Variants in RIMS2 observed in about 807,000 individuals in gnomAD.
RIMS2 encodes the protein regulating synaptic membrane exocytosis protein 2.
A neutral mutation model predicts 174.4 loss-of-function variants in RIMS2; 59 were observed. The observed-to-expected ratio is 0.34, with a 90% CI of 0.27 to 0.42. RIMS2 has a LOEUF of 0.42. RIMS2 is among the 10% of genes least tolerant of loss of function. The probability of loss-of-function intolerance (pLI) is 1.00; values close to 1 mark genes in which losing one functional copy is unlikely to be tolerated. For missense variants in RIMS2, 1,620 were observed against 1,666.3 expected (o/e 0.97, Z 0.48); for synonymous variants, 606 against 572.5 (o/e 1.06, Z -0.84).
intron 1 of RIMS2, 101 bp downstream of exon 1, chr8:103,501,163 C>T (rs1819550540): frequency 5.5e-6 from 5 of 916,070 alleles, no homozygotes; most frequent in Non-Finnish European, 7.5e-6. Flanking sequence ...GCCCTCCCTC[C>T]CGCTGGCGGC....
intron 17 of RIMS2, among the ~76,000 whole-genome samples, chr8:103,994,779 C>A: frequency 6.6e-6 from 1 of 151,998 alleles, no homozygotes; most frequent in Admixed American, 6.6e-5. Flanking sequence ...TAAGAACTAA[C>A]ATGACTAGAG....
intron 1 of RIMS2, among the ~76,000 whole-genome samples, chr8:103,530,099 ATG>A (rs1415489654): frequency 6.6e-6 from 1 of 152,210 alleles, no homozygotes; most frequent in Non-Finnish European, 1.5e-5. Flanking sequence ...TTTTAAATAT[ATG>A]GTAAGAATTA....
At chr8:103,950,667 C>T (rs1356558657) in intron 14 of RIMS2, among the ~76,000 whole-genome samples, 2 of 152,106 alleles carry the variant, frequency 1.3e-5, no homozygotes, top group African/African-American at 4.8e-5. Flanking sequence ...TCAAACCCTA[C>T]AGCTAAATCA....
exon 4 of RIMS2, chr8:103,886,000 A>G: frequency 6.2e-7 from 1 of 1,613,122 alleles, no homozygotes; most frequent in Non-Finnish European, 8.5e-7. Context: ...CTGCTGTAAG[A>G]AAAACAAAAC....
intron 3 of RIMS2, among the ~76,000 whole-genome samples, chr8:103,794,668 T>G (rs1051631517): frequency 2.6e-5 from 4 of 152,072 alleles, no homozygotes; most frequent in Non-Finnish European, 2.9e-5. Flanking sequence ...GGGAGAAAAT[T>G]TTTATAATCT....
chr8:104,070,750 T>C (rs1012177166), intron 19 of RIMS2, among the ~76,000 whole-genome samples: 17 of 152,174 alleles, frequency 1.1e-4, no homozygotes, highest in African/African-American at 4.1e-4. Flanking sequence ...CAGGAAGGAA[T>C]GTAGATGATT....
chr8:104,159,591 T>G (rs1381142072), intron 19 of RIMS2, among the ~76,000 whole-genome samples: 1 of 152,118 alleles, frequency 6.6e-6, no homozygotes, highest in Non-Finnish European at 1.5e-5. Flanking sequence ...ATTTTTTTTG[T>G]GGGGGTGGTT....
chr8:103,738,910 A>G (rs1040305824), intron 2 of RIMS2, among the ~76,000 whole-genome samples: 21 of 152,090 alleles, frequency 1.4e-4, no homozygotes, highest in African/African-American at 4.3e-4. Context: ...GAGAAATAGG[A>G]ACACTTTTAC....
intron 1 of RIMS2, among the ~76,000 whole-genome samples, chr8:103,572,091 C>T (rs2092855848): frequency 6.6e-6 from 1 of 152,112 alleles, no homozygotes; most frequent in Non-Finnish European, 1.5e-5. Context: ...GAGTTTGTTC[C>T]TTCCGATGTT....
intron 19 of RIMS2, among the ~76,000 whole-genome samples, chr8:104,112,306 AAAT>A (rs1205153705): frequency 6.6e-6 from 1 of 152,124 alleles, no homozygotes; most frequent in Non-Finnish European, 1.5e-5. Flanking sequence ...TGATTTTAAC[AAAT>A]AATAATGTTG....
intron 1 of RIMS2, among the ~76,000 whole-genome samples, chr8:103,586,111 G>A (rs917826802): frequency 1.4e-4 from 22 of 152,114 alleles, no homozygotes; most frequent in Non-Finnish European, 3.1e-4. Flanking sequence ...AATATTATTA[G>A]AGCTAAAGAG....
intron 1 of RIMS2, among the ~76,000 whole-genome samples, chr8:103,547,767 G>C (rs1215924744): frequency 6.6e-6 from 1 of 152,050 alleles, no homozygotes; most frequent in South Asian, 2.1e-4. Flanking sequence ...TGCTAGCTAA[G>C]TTAATAAAGG....
At chr8:104,223,275 C>T (rs1214131650) in intron 19 of RIMS2, 2 of 737,964 alleles carry the variant, frequency 2.7e-6, no homozygotes, top group East Asian at 1.1e-4. Context: ...CCCCTCCGGC[C>T]GCTGATTGGC....
At chr8:103,777,735 G>A (rs951292152) in intron 3 of RIMS2, among the ~76,000 whole-genome samples, 2 of 151,792 alleles carry the variant, frequency 1.3e-5, no homozygotes, top group African/African-American at 4.8e-5. Flanking sequence ...ATTTCATAAT[G>A]GTATGCATAT....
chr8:104,204,363 A>C (rs951856531), intron 19 of RIMS2, among the ~76,000 whole-genome samples: 2 of 151,976 alleles, frequency 1.3e-5, no homozygotes, highest in African/African-American at 4.8e-5. Flanking sequence ...ATGTGGGATT[A>C]ACTTGAGATG....
At chr8:103,900,365 A>C (rs574803453) in intron 4 of RIMS2, among the ~76,000 whole-genome samples, 1 of 149,892 alleles carries the variant, frequency 6.7e-6, no homozygotes, top group South Asian at 2.1e-4. Context: ...CTGGGATTAC[A>C]AGTGCCCACC....
intron 1 of RIMS2, among the ~76,000 whole-genome samples, chr8:103,673,391 G>C (rs2096769525): frequency 6.6e-6 from 1 of 152,166 alleles, no homozygotes; most frequent in Non-Finnish European, 1.5e-5. Flanking sequence ...CTCTGTGAGG[G>C]CTCCACTCTT....
intron 1 of RIMS2, among the ~76,000 whole-genome samples, chr8:103,612,567 C>T: frequency 6.6e-6 from 1 of 151,668 alleles, no homozygotes; most frequent in Middle Eastern, 3.2e-3. Flanking sequence ...TAGACAGAGA[C>T]TCTTGTTCCT....
chr8:104,223,586 C>A, intron 19 of RIMS2: 2 of 1,490,006 alleles, frequency 1.3e-6, no homozygotes, highest in South Asian at 2.6e-5. Context: ...CCGCTGCGGA[C>A]GCTGCGCCCC....
Sources: allele counts gnomAD v4.1 joint callset (sites outside exome capture counted in the v4.1 genomes callset), GRCh38; gene constraint gnomAD v4.1.1; transcripts MANE v1.5; gene names NCBI Gene and HGNC (gene_info 2026-07-23, HGNC 2026-07-21).